TEX36: variants seen among roughly 807,000 people sequenced by gnomAD.
The protein encoded by TEX36 is testis expressed 36.
In TEX36, 12 loss-of-function variants were observed where a neutral mutation model predicts 13.6. The observed-to-expected ratio is 0.88, with a 90% CI of 0.56 to 1.43. The LOEUF (loss-of-function observed/expected upper bound fraction) is 1.43, where lower values mean the gene tolerates loss of function less well. Ranked by LOEUF, TEX36 falls within the 40% of genes most tolerant of loss-of-function variation. The pLI, the probability that TEX36 is intolerant of heterozygous loss-of-function variation, is 0.00. For synonymous variants in TEX36, 93 were observed against 83.0 expected, an observed-to-expected ratio of 1.12 and a Z score of -0.65; for missense variants, 224 against 228.3, an observed-to-expected ratio of 0.98 and a Z score of 0.12.
At chr10:125,582,777 GT>G (rs1175223548) in intron 3 of TEX36, among the ~76,000 whole-genome samples, 1 of 152,020 alleles carries the variant, frequency 6.6e-6, no homozygotes, top group Non-Finnish European at 1.5e-5. Flanking sequence ...AGATAAATTG[GT>G]TTTTTTAAAA....
At chr10:125,581,233 G>T (rs1178185954) in intron 3 of TEX36, among the ~76,000 whole-genome samples, 1 of 152,168 alleles carries the variant, frequency 6.6e-6, no homozygotes, top group African/African-American at 2.4e-5. Flanking sequence ...GCAACCCTCA[G>T]TCGGGGACGG....
chr10:125,648,221 C>T (rs1846801835), intron 3 of TEX36, among the ~76,000 whole-genome samples: 1 of 152,234 alleles, frequency 6.6e-6, no homozygotes, highest in Admixed American at 6.5e-5. Context: ...GGGTCCCTGA[C>T]CCCTGAGTAG....
chr10:125,615,594 TGC>T (rs1846346969), intron 3 of TEX36, among the ~76,000 whole-genome samples: 1 of 151,618 alleles, frequency 6.6e-6, no homozygotes, highest in Admixed American at 6.6e-5. Context: ...TTTATTGATT[TGC>T]GTATATTGAA....
At chr10:125,576,719 A>G in exon 4 of TEX36, 2 of 1,534,216 alleles carry the variant, frequency 1.3e-6, no homozygotes, top group South Asian at 1.2e-5. Context: ...ACTCTGGGGA[A>G]TGGGTGACAG....
intron 1 of TEX36, among the ~76,000 whole-genome samples, chr10:125,668,823 A>G (rs991411776): frequency 6.6e-6 from 1 of 151,960 alleles, no homozygotes; most frequent in East Asian, 1.9e-4. Flanking sequence ...AATTTATGTA[A>G]TCTTTCTACC....
chr10:125,628,895 A>G (rs1846519563), intron 3 of TEX36, among the ~76,000 whole-genome samples: 1 of 152,198 alleles, frequency 6.6e-6, no homozygotes, highest in African/African-American at 2.4e-5. Flanking sequence ...CTGATGACGC[A>G]TGTGCCGGGC....
chr10:125,605,373 A>G (rs749267919), intron 3 of TEX36, among the ~76,000 whole-genome samples: 18 of 150,658 alleles, frequency 1.2e-4, no homozygotes, highest in Non-Finnish European at 2.2e-4. Flanking sequence ...CATACACAGC[A>G]TAGTGCAGCA....
chr10:125,616,006 T>G (rs1846352901), intron 3 of TEX36, among the ~76,000 whole-genome samples: 1 of 152,220 alleles, frequency 6.6e-6, no homozygotes, highest in African/African-American at 2.4e-5. Context: ...CCTGGTTTAG[T>G]CTTGGGAAAG....
chr10:125,579,991 T>C (rs1845865341), intron 3 of TEX36, among the ~76,000 whole-genome samples: 1 of 152,158 alleles, frequency 6.6e-6, no homozygotes. Flanking sequence ...AACAAGAATG[T>C]TGTTAGATGT....
chr10:125,671,795 G>A (rs1847235941), intron 1 of TEX36, among the ~76,000 whole-genome samples: 1 of 152,038 alleles, frequency 6.6e-6, no homozygotes, highest in Non-Finnish European at 1.5e-5. Flanking sequence ...ATTAATTACT[G>A]CCTCAATTTC....
chr10:125,633,869 C>T (rs1312943988), intron 3 of TEX36, among the ~76,000 whole-genome samples: 1 of 152,096 alleles, frequency 6.6e-6, no homozygotes, highest in South Asian at 2.1e-4. Flanking sequence ...TAAAAGCAGA[C>T]GCCTGGCGAA....
chr10:125,630,907 G>A (rs1261630334), intron 3 of TEX36, among the ~76,000 whole-genome samples: 1 of 152,104 alleles, frequency 6.6e-6, no homozygotes, highest in African/African-American at 2.4e-5. Flanking sequence ...CCAGAGGCGG[G>A]GCTGTAGCAC....
intron 3 of TEX36, among the ~76,000 whole-genome samples, chr10:125,602,931 T>C (rs536946317): frequency 6.6e-6 from 1 of 152,304 alleles, no homozygotes; most frequent in Non-Finnish European, 1.5e-5. Context: ...ACCTGGAGAT[T>C]TCCATGGGGA....
intron 3 of TEX36, among the ~76,000 whole-genome samples, chr10:125,631,057 C>A (rs919853422): frequency 2.0e-5 from 3 of 152,220 alleles, no homozygotes; most frequent in African/African-American, 7.2e-5. Context: ...GGGAGAAATA[C>A]GAATGACTAA....
chr10:125,669,747 C>T (rs1183648008), intron 1 of TEX36, among the ~76,000 whole-genome samples: 2 of 152,174 alleles, frequency 1.3e-5, no homozygotes, highest in Admixed American at 1.3e-4. Flanking sequence ...GATGCTCTCC[C>T]TCCCACACCC....
At chr10:125,583,686 T>C (rs575712436) in intron 3 of TEX36, among the ~76,000 whole-genome samples, 1 of 152,342 alleles carries the variant, frequency 6.6e-6, no homozygotes, top group East Asian at 1.9e-4. Context: ...ACTTATGTAA[T>C]ACTTTTAAAA....
intron 3 of TEX36, among the ~76,000 whole-genome samples, chr10:125,611,800 T>C (rs1373500307): frequency 6.6e-6 from 1 of 152,162 alleles, no homozygotes; most frequent in Non-Finnish European, 1.5e-5. Flanking sequence ...ATTATCCCTC[T>C]ATGTTTTCTT....
intron 3 of TEX36, among the ~76,000 whole-genome samples, chr10:125,587,786 TA>T (rs56198506): frequency 0.39 from 39,372 of 101,818 alleles, 5,708 homozygotes; most frequent in East Asian, 0.61. Context: ...GTCTCAAAAT[TA>T]AAAAAAAAAA....
intron 3 of TEX36, among the ~76,000 whole-genome samples, chr10:125,579,702 G>T (rs890763101): frequency 2.6e-5 from 4 of 152,130 alleles, no homozygotes; most frequent in African/African-American, 9.7e-5. Context: ...GATAGTGAGT[G>T]AATTCTCGTG....
Sources: allele counts gnomAD v4.1 joint callset (sites outside exome capture counted in the v4.1 genomes callset), GRCh38; gene constraint gnomAD v4.1.1; transcripts MANE v1.5; gene names NCBI Gene and HGNC (gene_info 2026-07-23, HGNC 2026-07-21).